Variants in TEX9 observed in about 807,000 individuals in gnomAD.
TEX9 encodes testis expressed 9.
A neutral mutation model predicts 59.6 loss-of-function variants in TEX9; 74 were observed. That is an observed-to-expected ratio of 1.24 (90% CI 1.03 to 1.51). The LOEUF is 1.51. Among genes scored for constraint, TEX9 ranks in the 40% most tolerant of loss-of-function variants. The pLI, the probability that TEX9 is intolerant of heterozygous loss-of-function variation, is 0.00. For missense variants in TEX9, 522 were observed against 447.8 expected (o/e 1.17, Z -1.49); for synonymous variants, 186 against 152.2 (o/e 1.22, Z -1.64).
At chr15:56,360,032 A>G (rs564910837) in intron 1 of TEX9, among the ~76,000 whole-genome samples, 10 of 152,100 alleles carry the variant, frequency 6.6e-5, no homozygotes, top group Non-Finnish European at 1.3e-4. Context: ...TGCTGAATTC[A>G]TTGATTGATT....
chr15:56,284,647 G>C (rs1194170305), intron 1 of TEX9, among the ~76,000 whole-genome samples: 1 of 152,116 alleles, frequency 6.6e-6, no homozygotes, highest in African/African-American at 2.4e-5. Flanking sequence ...CTCCAAACAT[G>C]CCTCTTTACC....
intron 1 of TEX9, among the ~76,000 whole-genome samples, chr15:56,341,718 A>T (rs1203059585): frequency 2.6e-5 from 4 of 152,198 alleles, no homozygotes; most frequent in Non-Finnish European, 5.9e-5. Context: ...TAAATAACTG[A>T]TTTAAAAAGT....
In TEX9 at chr15:56,253,413, GGAGA is replaced by G. The variant is rs530697124; in HGVS notation, c.-107+9136_-107+9139del. Reference sequence around the variant, plus strand: ...AAATATCAACCCCAGAACTGAAAAAGGAGAAAGAACGGAAGGTCTTCATAATCAG... The same window carrying G: ...AAATATCAACCCCAGAACTGAAAAAGAAGAACGGAAGGTCTTCATAATCAG... On this transcript the variant is annotated intron_variant, in intron 1 of 5. Coordinates refer to the TEX9 transcript ENST00000560827. 2.1e-3 allele frequency among the ~76,000 whole-genome samples: 318 copies of G among 152,198 alleles called. 2 individuals carry two copies. Among genetic ancestry groups the G allele is most frequent in the African/African-American group, 6.6e-3 (272 of 41,516 alleles).
At chr15:56,276,614 T>C (rs1335192172) in intron 1 of TEX9, among the ~76,000 whole-genome samples, 1 of 152,194 alleles carries the variant, frequency 6.6e-6, no homozygotes, top group Non-Finnish European at 1.5e-5. Context: ...TCTTTGCTAT[T>C]GTAAAAGGTG....
chr15:56,325,310 T>C (rs2045999047), intron 1 of TEX9, among the ~76,000 whole-genome samples: 1 of 152,190 alleles, frequency 6.6e-6, no homozygotes, highest in Admixed American at 6.5e-5. Context: ...GATCTTGTGA[T>C]ACAGAAGTCT....
intron 10 of TEX9, among the ~76,000 whole-genome samples, chr15:56,424,748 G>A (rs986342399): frequency 2.0e-5 from 3 of 151,986 alleles, no homozygotes; most frequent in Non-Finnish European, 2.9e-5. Flanking sequence ...TTTTAAATTC[G>A]AAAAGAATGA....
At chr15:56,256,199 T>C (rs1231325694) in intron 1 of TEX9, among the ~76,000 whole-genome samples, 10 of 152,226 alleles carry the variant, frequency 6.6e-5, no homozygotes, top group African/African-American at 2.4e-4. Context: ...ATTTTCACAG[T>C]AATCTTGGGA....
At chr15:56,420,832 C>A (rs1362604368) in intron 10 of TEX9, among the ~76,000 whole-genome samples, 2 of 151,830 alleles carry the variant, frequency 1.3e-5, no homozygotes, top group Non-Finnish European at 2.9e-5. Context: ...TTTGTCATTT[C>A]ATTTTTCAAA....
intron 1 of TEX9, among the ~76,000 whole-genome samples, chr15:56,317,874 ATTTATTGAGGCTTGT>A (rs1195187188): frequency 5.3e-4 from 80 of 152,206 alleles, no homozygotes; most frequent in African/African-American, 1.7e-3. Flanking sequence ...TGGAGGGCAC[ATTTATTGAGGCTTGT>A]TTTATGGCCT....
chr15:56,373,161 G>A (rs2047268226), intron 2 of TEX9, among the ~76,000 whole-genome samples: 1 of 152,166 alleles, frequency 6.6e-6, no homozygotes, highest in African/African-American at 2.4e-5. Context: ...AACTCACCCA[G>A]CTTATTCTTC....
chr15:56,416,504 A>G (rs2049693890), intron 10 of TEX9, among the ~76,000 whole-genome samples: 1 of 151,896 alleles, frequency 6.6e-6, no homozygotes, highest in Non-Finnish European at 1.5e-5. Flanking sequence ...TATGTGATAA[A>G]TTGCATTTAT....
At chr15:56,338,590 G>T (rs569465907) in intron 1 of TEX9, among the ~76,000 whole-genome samples, 1 of 152,188 alleles carries the variant, frequency 6.6e-6, no homozygotes, top group African/African-American at 2.4e-5. Context: ...TATTTTGGAG[G>T]GGATCTTTCA....
chr15:56,250,447 A>G (rs1203928567), intron 1 of TEX9, among the ~76,000 whole-genome samples: 1 of 152,214 alleles, frequency 6.6e-6, no homozygotes, highest in Non-Finnish European at 1.5e-5. Flanking sequence ...GAAAACGAGC[A>G]TGCAAATGAC....
intron 1 of TEX9, among the ~76,000 whole-genome samples, chr15:56,265,947 T>C (rs2044369290): frequency 6.6e-6 from 1 of 152,186 alleles, no homozygotes; most frequent in Admixed American, 6.5e-5. Flanking sequence ...CAAAAGACCT[T>C]TTGATATGAT....
chr15:56,288,863 C>T (rs1051490918), intron 1 of TEX9, among the ~76,000 whole-genome samples: 2 of 152,224 alleles, frequency 1.3e-5, no homozygotes, highest in East Asian at 1.9e-4. Context: ...ACTCCTATAA[C>T]TCTAATGTTT....
intron 1 of TEX9, among the ~76,000 whole-genome samples, chr15:56,346,740 A>G (rs1198319390): frequency 6.6e-6 from 1 of 152,208 alleles, no homozygotes; most frequent in African/African-American, 2.4e-5. Context: ...CAGCACAATA[A>G]GCCAAGAAAA....
At position 56,332,308 on chromosome 15, in the gene TEX9, T is replaced by C. The variant is rs1361795170; in HGVS notation, c.-106-41133T>C. ...TGCAGCCATAAAAATGATGAGTTCA[T>C]GTCCTTTGTAGGGACATGGATGAAA... On this transcript the variant is annotated intron_variant, in intron 1 of 5. Transcript: ENST00000560827. 1.8e-4 allele frequency among the ~76,000 whole-genome samples: 28 copies of C among 151,776 alleles called. 1 individual carries two copies. The highest frequency in any genetic ancestry group is 5.8e-4 in the African/African-American group (24 of 41,312).
chr15:56,281,763 T>C (rs1027161366), intron 1 of TEX9, among the ~76,000 whole-genome samples: 2 of 152,246 alleles, frequency 1.3e-5, no homozygotes, highest in Non-Finnish European at 2.9e-5. Flanking sequence ...AGAATTGTTA[T>C]AGGTGACTGC....
intron 3 of TEX9, among the ~76,000 whole-genome samples, chr15:56,380,954 G>A (rs1033839826): frequency 2.2e-4 from 34 of 152,048 alleles, no homozygotes; most frequent in African/African-American, 6.8e-4. Flanking sequence ...CTTGAACATT[G>A]ATAACTTTCT....
Sources: gnomAD v4.1 joint callset for allele counts (sites outside exome capture counted in the v4.1 genomes callset) on GRCh38, gnomAD v4.1.1 for gene constraint, MANE v1.5 for transcripts, NCBI Gene and HGNC (gene_info 2026-07-23, HGNC 2026-07-21) for gene names.